Variants in CENPP observed in about 807,000 individuals in gnomAD.
CENPP encodes the protein centromere protein P.
In CENPP, 24 loss-of-function variants were observed where a neutral mutation model predicts 35.6. The observed-to-expected ratio is 0.67, with a 90% confidence interval of 0.49 to 0.95. The LOEUF (loss-of-function observed/expected upper bound fraction) is 0.95, where lower values mean the gene tolerates loss of function less well. CENPP is among the 40% of genes least tolerant of loss of function. The pLI is 0.00. For missense variants in CENPP, 332 were observed against 345.3 expected (o/e 0.96, Z 0.31); for synonymous variants, 120 against 125.5 (o/e 0.96, Z 0.29).
intron 5 of CENPP, among the ~76,000 whole-genome samples, chr9:92,454,173 A>T (rs1380115487): frequency 1.3e-5 from 2 of 152,174 alleles, no homozygotes; most frequent in African/African-American, 4.8e-5. Flanking sequence ...TTGGTTGTTT[A>T]TGATTTTTAT....
chr9:92,482,821 T>C (rs1007841913), intron 5 of CENPP, among the ~76,000 whole-genome samples: 5 of 152,112 alleles, frequency 3.3e-5, no homozygotes, highest in Non-Finnish European at 7.4e-5. Context: ...CTGAAGTATA[T>C]ACCCAAACTT....
chr9:92,361,649 T>C (rs554440486), intron 4 of CENPP, among the ~76,000 whole-genome samples: 29 of 150,744 alleles, frequency 1.9e-4, no homozygotes, highest in Non-Finnish European at 7.4e-5. Context: ...ACAGCTAATT[T>C]TTTTGTATTT....
intron 5 of CENPP, among the ~76,000 whole-genome samples, chr9:92,383,124 C>T (rs985375546): frequency 6.6e-6 from 1 of 152,008 alleles, no homozygotes; most frequent in Non-Finnish European, 1.5e-5. Flanking sequence ...TCTCGAACTC[C>T]TGACCTCAAG....
At chr9:92,480,213 A>G (rs561147099) in intron 5 of CENPP, among the ~76,000 whole-genome samples, 27 of 152,320 alleles carry the variant, frequency 1.8e-4, no homozygotes, top group Admixed American at 1.2e-3. Flanking sequence ...TTTTGGTTTC[A>G]AGTCTCTCTT....
intron 5 of CENPP, chr9:92,514,811 GGTCCTCCTC>G (rs771255534): frequency 1.2e-6 from 2 of 1,613,234 alleles, no homozygotes; most frequent in Non-Finnish European, 1.7e-6. Context: ...CCTCTTACCG[GGTCCTCCTC>G]GTCCTCCTCA....
intron 2 of CENPP, among the ~76,000 whole-genome samples, chr9:92,334,223 C>T (rs565555539): frequency 6.6e-6 from 1 of 150,896 alleles, no homozygotes; most frequent in African/African-American, 2.4e-5. Context: ...TGGGTTCAAG[C>T]AATTCTCCTG....
At chr9:92,524,431 A>G (rs1368817908) in intron 5 of CENPP, among the ~76,000 whole-genome samples, 1 of 152,186 alleles carries the variant, frequency 6.6e-6, no homozygotes, top group African/African-American at 2.4e-5. Flanking sequence ...GGCCAGGGAC[A>G]AGAGAAACCT....
intron 4 of CENPP, among the ~76,000 whole-genome samples, chr9:92,346,147 A>AT (rs1841288819): frequency 6.6e-6 from 1 of 152,192 alleles, no homozygotes; most frequent in South Asian, 2.1e-4. Flanking sequence ...GAGTTACATA[A>AT]TGCTGTTGAA....
At chr9:92,542,289 A>G (rs1266919358) in intron 5 of CENPP, among the ~76,000 whole-genome samples, 1 of 152,126 alleles carries the variant, frequency 6.6e-6, no homozygotes, top group Non-Finnish European at 1.5e-5. Context: ...TATTTTGGAT[A>G]TTATCTCCTT....
intron 5 of CENPP, chr9:92,514,546 A>T: frequency 6.7e-7 from 1 of 1,498,592 alleles, no homozygotes; most frequent in Non-Finnish European, 8.9e-7. Context: ...AAGTGCTGAG[A>T]TTATAGGCGT....
chr9:92,327,047 C>T (rs1325481426), intron 1 of CENPP, among the ~76,000 whole-genome samples: 1 of 152,132 alleles, frequency 6.6e-6, no homozygotes, highest in African/African-American at 2.4e-5. Context: ...ATTAAAGACC[C>T]TTGCTATTTG....
At chr9:92,545,699 G>T (rs1849424455) in intron 5 of CENPP, among the ~76,000 whole-genome samples, 2 of 151,370 alleles carry the variant, frequency 1.3e-5, no homozygotes, top group Non-Finnish European at 2.9e-5. Context: ...GGTGAATCCA[G>T]CTGGGCTCAT....
In CENPP at chr9:92,619,765, G is replaced by A; in HGVS notation, c.*6616G>A. ...ACCTGGGCCAGCCCTCAGTGCCACG[G>A]GGCTGCTCAGAGGCCAGCACCGCCC... On this transcript the variant is annotated 3_prime_UTR_variant, in exon 8 of 8. Transcript: ENST00000375587. 1 of 596,386 alleles carries A rather than the reference G, an allele frequency of 1.7e-6. No homozygotes were observed. Among genetic ancestry groups the A allele is most frequent in the East Asian group, 2.8e-5 (1 of 35,254 alleles). The allele number at this position is 596,386 out of a possible 1,614,324, so 36.9% of individuals were successfully genotyped here.
chr9:92,611,447 A>C, intron 6 of CENPP, 54 bp downstream of exon 6: 18 of 1,406,988 alleles, frequency 1.3e-5, no homozygotes, highest in Non-Finnish European at 1.8e-5. Flanking sequence ...CAAGGATTCC[A>C]AGTAGGAGAC....
chr9:92,466,238 T>C (rs1458583582), intron 5 of CENPP: 1 of 692,356 alleles, frequency 1.4e-6, no homozygotes, highest in Non-Finnish European at 2.4e-6. Context: ...AAATGGCTTA[T>C]CTAGGCAAAG....
intron 5 of CENPP, among the ~76,000 whole-genome samples, chr9:92,506,232 G>A (rs1035003185): frequency 1.3e-5 from 2 of 152,204 alleles, no homozygotes; most frequent in Non-Finnish European, 2.9e-5. Context: ...CTCTGAACAA[G>A]GGAGTCAGAA....
chr9:92,578,335 T>A (rs1399709563), intron 5 of CENPP, among the ~76,000 whole-genome samples: 1 of 152,146 alleles, frequency 6.6e-6, no homozygotes, highest in South Asian at 2.1e-4. Context: ...TGGCTGGGTC[T>A]AATGGTATTT....
intron 4 of CENPP, among the ~76,000 whole-genome samples, chr9:92,362,777 C>T (rs1841789983): frequency 6.6e-6 from 1 of 152,164 alleles, no homozygotes; most frequent in Non-Finnish European, 1.5e-5. Context: ...GCACTTCCTC[C>T]ACATTTCTCA....
rs532075673 is a variant in CENPP at position 92,430,427 on chromosome 9, CT to C, written c.564+50581del. 9.8e-3 allele frequency among the ~76,000 whole-genome samples: 1,405 copies of C among 142,660 alleles called. 8 individuals are homozygous for C. Among genetic ancestry groups the C allele is most frequent in the African/African-American group, 0.016 (615 of 39,222 alleles). 93.6% of individuals were successfully genotyped at this position (142,660 alleles called of 152,430 possible). A position where few individuals can be genotyped will look rare whatever the true frequency, so the allele number is the denominator to read the frequency against. On this transcript the variant is annotated intron_variant, in intron 5 of 7. Transcript: ENST00000375587. The stretch of plus-strand genomic sequence containing the variant: ...TTGGGTTTATCCATCTCTTCTCTCT[CT>C]TTTTTTTTTTTTAAGATGAAGTCAT...
Sources: allele counts gnomAD v4.1 joint callset (sites outside exome capture counted in the v4.1 genomes callset), GRCh38; gene constraint gnomAD v4.1.1; transcripts MANE v1.5; gene names NCBI Gene and HGNC (gene_info 2026-07-23, HGNC 2026-07-21).